DNAH1: variants seen among roughly 807,000 people sequenced by gnomAD.
DNAH1 encodes the protein axonemal beta dynein heavy chain 1.
DNAH1 carries 327 observed loss-of-function variants against 484.3 expected under a neutral mutation model. The observed-to-expected ratio is 0.68, with a 90% CI of 0.62 to 0.74. The LOEUF is 0.74. Among genes scored for constraint, DNAH1 ranks in the 30% least tolerant of loss-of-function variants. The probability of loss-of-function intolerance (pLI) is 0.00; values close to 1 mark genes in which losing one functional copy is unlikely to be tolerated. For synonymous variants in DNAH1, 2,192 were observed against 2,191.9 expected (o/e 1.00, Z 0.00); for missense variants, 5,052 against 5,546.8 (o/e 0.91, Z 2.83).
In DNAH1 at chr3:52,355,208, A is replaced by G. The variant is rs897017430; in HGVS notation, c.3693+153A>G. On this transcript the variant is annotated intron_variant, in intron 21 of 77. Transcript: ENST00000420323. This position sits in a 1 kb window ranked among gnomAD's most constrained non-coding sequence, Gnocchi z 4.5. The stretch of plus-strand genomic sequence containing the variant: ...CTGGCTCTCTGGCAGGCCCCGCCCT[A>G]CTGCATTCAGAGGAGGGCAACTAGG... Among the ~76,000 whole-genome samples, 3 of 152,166 alleles carry G rather than the reference A, an allele frequency of 2.0e-5. No homozygotes were observed. Among genetic ancestry groups the G allele is most frequent in the Non-Finnish European group, 2.9e-5 (2 of 68,018 alleles).
chr3:52,397,905 AGGGCTGGAC>A, intron 74 of DNAH1, 28 bp downstream of exon 74: 6 of 1,582,130 alleles, frequency 3.8e-6, no homozygotes, highest in Non-Finnish European at 5.2e-6. Context: ...AAGGGGCCCA[AGGGCTGGAC>A]GGGCTGGGCT....
At position 52,392,514 on chromosome 3, in the gene DNAH1, A is replaced by G; in HGVS notation, c.10103A>G (p.Asp3368Gly). 12 of 1,613,896 alleles carry G rather than the reference A, an allele frequency of 7.4e-6. No individual in the cohort carries two copies. The highest frequency in any genetic ancestry group is 9.3e-6 in the Non-Finnish European group (11 of 1,179,872). ...LGQVVAEERPDLEEAKNQLII... is the reference protein window; with the variant it reads ...LGQVVAEERPGLEEAKNQLII... ...CAGGTAGTGGCAGAGGAGCGACCCG[A>G]CCTGGAGGAGGCCAAGAACCAGCTG... The change falls in exon 64 of 78, where the codon GAC becomes GGC. Residue 3368 changes from aspartate to glycine, a missense_variant. Transcript: ENST00000420323.
At chr3:52,350,785 T>C (rs1302238022) in intron 16 of DNAH1, among the ~76,000 whole-genome samples, 195 bp downstream of exon 16, 1 of 152,214 alleles carries the variant, frequency 6.6e-6, no homozygotes, top group Non-Finnish European at 1.5e-5. Flanking sequence ...AGGAATTCAT[T>C]TGGGCCTCTT....
At chr3:52,314,571 C>G (rs1014318553), upstream of DNAH1, among the ~76,000 whole-genome samples, 1 of 152,180 alleles carries the variant, frequency 6.6e-6, no homozygotes, top group Non-Finnish European at 1.5e-5. Flanking sequence ...GACGCATGGG[C>G]AGGGCTGCTG....
intron 6 of DNAH1, 92 bp downstream of exon 6, chr3:52,328,106 C>T (rs1305250304): frequency 7.8e-6 from 12 of 1,530,874 alleles, no homozygotes; most frequent in African/African-American, 6.8e-5. Context: ...CTGGCAGCCA[C>T]CGGAGGCGAG....
Position 52,326,189 on chromosome 3 carries a change from G to A in DNAH1, c.456G>A (p.Gln152=). 6.2e-7 allele frequency: 1 copy of A among 1,612,778 alleles called. No homozygotes were observed. Residue 152 remains glutamine, a synonymous_variant, in exon 4 of 78, where the codon CAG becomes CAA. Transcript: ENST00000420323. ...ACTTCCAGGAGCGCATGGAGCAGCAGTGCATCGGGTCCACCACCCGGCTGC... is the reference window on the plus strand; with the variant it reads ...ACTTCCAGGAGCGCATGGAGCAGCAATGCATCGGGTCCACCACCCGGCTGC... The part of the protein sequence containing the change: ...PEDFQERMEQ[Q]CIGSTTRLLA...
chr3:52,341,359 C>G (rs997468937), intron 8 of DNAH1, among the ~76,000 whole-genome samples: 2 of 152,178 alleles, frequency 1.3e-5, no homozygotes, highest in South Asian at 2.1e-4. Flanking sequence ...GAAATCCTCT[C>G]AGGAGAAATC....
Position 52,386,788 on chromosome 3 carries a change from G to A in DNAH1, c.8938G>A (p.Glu2980Lys), listed in dbSNP as rs1194415346. 1.9e-6 allele frequency: 3 copies of A among 1,592,182 alleles called. No individual in the cohort carries two copies. The highest frequency in any genetic ancestry group is 2.6e-6 in the Non-Finnish European group (3 of 1,169,690). Reference protein sequence around the residue: ...KPGTKVDDYWEPGKGLLQDPG... With the variant: ...KPGTKVDDYWKPGKGLLQDPG... ...AGGCACCAAGGTGGATGACTACTGG[G>A]AGCCTGGCAAGGGGCTGCTGCAGGA... is the stretch of plus-strand genomic sequence containing the variant. The change falls in exon 56 of 78, where the codon GAG becomes AAG. Residue 2980 changes from glutamate to lysine, a missense_variant. Physicochemically the swap from Glu to Lys is moderately conservative, Grantham distance 56. This residue lies in a region of DNAH1 where 2,929 missense variants were observed against 3,409.4 expected (regional missense o/e 0.86). Transcript: ENST00000420323.
chr3:52,321,917 G>C (rs1199113205), intron 1 of DNAH1, among the ~76,000 whole-genome samples: 1 of 152,162 alleles, frequency 6.6e-6, no homozygotes, highest in Non-Finnish European at 1.5e-5. Context: ...AGGTGCTAGG[G>C]AGGCTCATGC....
At chr3:52,393,635 G>A in intron 66 of DNAH1, 150 bp downstream of exon 66, 1 of 1,247,376 alleles carries the variant, frequency 8.0e-7, no homozygotes, top group Non-Finnish European at 1.1e-6. Context: ...AAAGCAGCCA[G>A]GGCCGGGCAC....
In DNAH1 at chr3:52,333,599, G is replaced by C. The variant is rs949501527; in HGVS notation, c.1286+1205G>C. Among the ~76,000 whole-genome samples the C allele has an allele frequency of 7.2e-5, 11 of 152,020 alleles. No homozygotes were observed. The East Asian group carries it at 1.9e-3, about 27-fold the overall frequency. On this transcript the variant is annotated intron_variant, in intron 8 of 77. Transcript: ENST00000420323. ...GATGAGATTTCACCATTTTGGCCAA[G>C]CTGGTCTCGAGCTCCCGACCTCAGG... is the stretch of plus-strand genomic sequence containing the variant.
At chr3:52,335,867 C>G (rs1701725785) in intron 8 of DNAH1, among the ~76,000 whole-genome samples, 1 of 151,940 alleles carries the variant, frequency 6.6e-6, no homozygotes, top group Admixed American at 6.6e-5. Flanking sequence ...TTCCTGACCT[C>G]AAGTAATCTG....
intron 74 of DNAH1, 41 bp downstream of exon 74, chr3:52,397,918 C>T (rs759992152): frequency 6.3e-7 from 1 of 1,576,398 alleles, no homozygotes; most frequent in Non-Finnish European, 8.6e-7. Context: ...GCTGGACGGG[C>T]TGGGCTTCAC....
chr3:52,349,233 G>C lies in DNAH1; in HGVS notation c.2339G>C (p.Arg780Pro). Residue 780 changes from arginine to proline, a missense_variant, in exon 14 of 78, where the codon CGG becomes CCG. Coordinates refer to ENST00000420323, the MANE Select transcript of DNAH1 (RefSeq NM_015512.5). The part of the protein sequence containing the change: ...QTQGLLAQEV[R>P]EVVLTHLREK... ...CAGGGCCTGTTGGCCCAGGAGGTGC[G>C]GGAGGTAGTGCTCACCCACCTGCGG... 6.2e-7 allele frequency: 1 copy of C among 1,613,820 alleles called. No homozygotes were observed. The highest frequency in any genetic ancestry group is 8.5e-7 in the Non-Finnish European group (1 of 1,179,820).
chr3:52,389,846 T>C (rs1187519607), intron 60 of DNAH1, among the ~76,000 whole-genome samples: 2 of 152,194 alleles, frequency 1.3e-5, no homozygotes, highest in Non-Finnish European at 2.9e-5. Context: ...GCGTGGTGGC[T>C]CACGCCTGTA....
intron 15 of DNAH1, 39 bp downstream of exon 15, chr3:52,350,147 A>C: frequency 1.3e-6 from 2 of 1,598,574 alleles, no homozygotes. Flanking sequence ...AGGGAGGCAC[A>C]GGGCTGGTGT....
chr3:52,358,756 G>C lies in DNAH1; in HGVS notation c.4266+19G>C. On this transcript the variant is annotated intron_variant, in intron 25 of 77. Transcript: ENST00000420323. This position sits in a 1 kb window ranked among gnomAD's most constrained non-coding sequence, Gnocchi z 4.2. ...CCCCACGGTGAGCCGCCCGCAGCCC[G>C]TGCAGCCTTCCACCCCTGCACCCCT... 5 of 1,610,816 alleles carry C rather than the reference G, an allele frequency of 3.1e-6. No individual in the cohort carries two copies. The highest frequency in any genetic ancestry group is 1.7e-6 in the Non-Finnish European group (2 of 1,179,196).
At position 52,361,849 on chromosome 3, in the gene DNAH1, C is replaced by T; in HGVS notation, c.4980+83C>T. 7.0e-7 allele frequency: 1 copy of T among 1,433,886 alleles called. No individual in the cohort carries two copies. Among genetic ancestry groups the T allele is most frequent in the Admixed American group, 2.0e-5 (1 of 49,774 alleles). The allele number at this position is 1,433,886 out of a possible 1,614,324, so 88.8% of individuals were successfully genotyped here. On this transcript the variant is annotated intron_variant, in intron 30 of 77. Transcript: ENST00000420323. The surrounding 1 kb of genome is among the most constrained non-coding windows in gnomAD (Gnocchi z 5.6). Reference sequence around the variant, plus strand: ...TGCTCCCCATTGCAGGCTGAGAAGCCAGGCGCTAAGGTCCACCCTGGGTCC... The same window carrying T: ...TGCTCCCCATTGCAGGCTGAGAAGCTAGGCGCTAAGGTCCACCCTGGGTCC...
Position 52,355,067 on chromosome 3 carries a change from C to G in DNAH1, c.3693+12C>G. 1 of 1,612,120 alleles carries G rather than the reference C, an allele frequency of 6.2e-7. No individual in the cohort carries two copies. The highest frequency in any genetic ancestry group is 8.5e-7 in the Non-Finnish European group (1 of 1,179,654). On this transcript the variant is annotated intron_variant, in intron 21 of 77. Transcript: ENST00000420323. The surrounding 1 kb of genome is among the most constrained non-coding windows in gnomAD (Gnocchi z 4.5). ...TGAAGCTGACCCAGGTCGGCCCTCCCCCCAGTCCTTCCCTCATCGCTCCCC... is the reference window on the plus strand; with the variant it reads ...TGAAGCTGACCCAGGTCGGCCCTCCGCCCAGTCCTTCCCTCATCGCTCCCC...
Sources: gnomAD v4.1 joint callset for allele counts (sites outside exome capture counted in the v4.1 genomes callset) on GRCh38, gnomAD v4.1.1 for gene constraint, gnomAD v4.1.1 regional missense constraint, Gnocchi (gnomAD v3.1) non-coding constraint, MANE v1.5 for transcripts, NCBI Gene and HGNC (gene_info 2026-07-23, HGNC 2026-07-21) for gene names.